Variants in SLC8A1 observed in about 807,000 individuals in gnomAD.
SLC8A1 encodes the protein sodium/calcium exchanger 1.
In SLC8A1, 18 loss-of-function variants were observed where a neutral mutation model predicts 68.3. The observed-to-expected ratio is 0.26, with a 90% CI of 0.18 to 0.39. The LOEUF (loss-of-function observed/expected upper bound fraction) is 0.39. Ranked by LOEUF, SLC8A1 falls within the 10% of genes least tolerant of loss-of-function variation. The probability of loss-of-function intolerance (pLI) is 1.00; values close to 1 mark genes in which losing one functional copy is unlikely to be tolerated. For missense variants in SLC8A1, 985 were observed against 1,156.7 expected, an observed-to-expected ratio of 0.85 and a Z score of 2.15; for synonymous variants, 475 against 415.5, an observed-to-expected ratio of 1.14 and a Z score of -1.74.
At chr2:40,115,236 T>C in exon 8 of SLC8A1, 2 of 1,544,756 alleles carry the variant, frequency 1.3e-6, no homozygotes, top group Non-Finnish European at 1.7e-6. Flanking sequence ...ATAAATTTAC[T>C]ATATCTGATA....
chr2:40,477,290 G>A (rs949864445), intron 1 of SLC8A1, among the ~76,000 whole-genome samples: 14 of 152,120 alleles, frequency 9.2e-5, no homozygotes, highest in African/African-American at 3.1e-4. Flanking sequence ...TTGTGTTGTA[G>A]TCATGGATTG....
intron 2 of SLC8A1, among the ~76,000 whole-genome samples, chr2:40,346,047 T>TAAAAAAAAAAAA (rs774555210): frequency 3.8e-3 from 160 of 41,720 alleles, no homozygotes; most frequent in Non-Finnish European, 4.7e-3. Context: ...ACATTAACAG[T>TAAAAAAAAAAAA]AAAAAAAAAA....
intron 1 of SLC8A1, among the ~76,000 whole-genome samples, chr2:40,472,311 T>C (rs1704033601): frequency 2.6e-5 from 4 of 152,170 alleles, no homozygotes; most frequent in Admixed American, 2.6e-4. Flanking sequence ...TTTTATAAGA[T>C]GGAAATGAAA....
intron 6 of SLC8A1, among the ~76,000 whole-genome samples, chr2:40,150,112 G>C (rs2043152165): frequency 6.6e-6 from 1 of 151,386 alleles, no homozygotes; most frequent in African/African-American, 2.4e-5. Context: ...TCCAGCTCGG[G>C]GCCAGGATTC....
upstream of SLC8A1, among the ~76,000 whole-genome samples, chr2:40,452,687 C>T (rs1702703688): frequency 6.6e-6 from 1 of 151,242 alleles, no homozygotes; most frequent in East Asian, 1.9e-4. Context: ...AATCCTCACC[C>T]TGTGTTTTTC....
chr2:40,289,879 A>T (rs1204029092), intron 2 of SLC8A1, among the ~76,000 whole-genome samples: 2 of 152,050 alleles, frequency 1.3e-5, no homozygotes, highest in African/African-American at 4.8e-5. Context: ...AATTAAATTA[A>T]ATTAAATTAA....
Position 40,297,620 on chromosome 2 carries a change from C to G in SLC8A1, c.1809-119765G>C, listed in dbSNP as rs985256248. Among the ~76,000 whole-genome samples the G allele has an allele frequency of 6.6e-5, 10 of 152,148 alleles. No individual in the cohort carries two copies. The South Asian group carries it at 8.3e-4, about 13-fold the overall frequency. On this transcript the variant is annotated intron_variant, in intron 2 of 7. Coordinates refer to ENST00000406785, the Ensembl canonical transcript of SLC8A1. ...TTTCATTACTTATCTAAAGACTTAA[C>G]CTTCTTTATACCAATCATCTGTAAG...
chr2:40,343,735 T>A (rs1191797946), intron 2 of SLC8A1, among the ~76,000 whole-genome samples: 3 of 152,162 alleles, frequency 2.0e-5, no homozygotes, highest in Non-Finnish European at 4.4e-5. Flanking sequence ...CATGACAGAC[T>A]GAGAAAAATA....
intron 6 of SLC8A1, among the ~76,000 whole-genome samples, chr2:40,144,264 G>A (rs1440750288): frequency 6.6e-6 from 1 of 152,128 alleles, no homozygotes; most frequent in East Asian, 1.9e-4. Flanking sequence ...TAAATGACAG[G>A]CACTAAGCTA....
At chr2:40,253,015 G>C (rs2063128257) in intron 2 of SLC8A1, among the ~76,000 whole-genome samples, 1 of 105,504 alleles carries the variant, frequency 9.5e-6, no homozygotes, top group Non-Finnish European at 2.2e-5. Flanking sequence ...ATATGTATCT[G>C]TATATATGTA....
chr2:40,122,225 C>T (rs867394610), intron 7 of SLC8A1, among the ~76,000 whole-genome samples: 9 of 139,320 alleles, frequency 6.5e-5, no homozygotes, highest in African/African-American at 2.4e-4. Flanking sequence ...CACACACACA[C>T]GTGTGCGCGC....
intron 2 of SLC8A1, among the ~76,000 whole-genome samples, chr2:40,269,971 A>C (rs2149130799): frequency 6.6e-6 from 1 of 152,230 alleles, no homozygotes; most frequent in Non-Finnish European, 1.5e-5. Flanking sequence ...GCTTTTTGGT[A>C]TGTCTGAGAT....
intron 2 of SLC8A1, among the ~76,000 whole-genome samples, chr2:40,331,464 G>A (rs539697593): frequency 1.5e-4 from 23 of 152,158 alleles, no homozygotes; most frequent in African/African-American, 5.3e-4. Context: ...ACACTCCCGG[G>A]AGAATAAAAA....
chr2:40,329,069 C>T (rs1044888554), intron 2 of SLC8A1, among the ~76,000 whole-genome samples: 1 of 130,454 alleles, frequency 7.7e-6, no homozygotes, highest in African/African-American at 3.3e-5. Context: ...CTCACACACA[C>T]ACACACACAC....
intron 1 of SLC8A1, among the ~76,000 whole-genome samples, chr2:40,436,535 C>T (rs1699455056): frequency 1.3e-5 from 2 of 152,214 alleles, no homozygotes; most frequent in Admixed American, 6.5e-5. Flanking sequence ...TCCCCACAAC[C>T]TGGGTGTGTG....
At chr2:40,231,191 G>A (rs1056932784) in intron 2 of SLC8A1, among the ~76,000 whole-genome samples, 1 of 152,148 alleles carries the variant, frequency 6.6e-6, no homozygotes, top group South Asian at 2.1e-4. Context: ...TGGCACAGTT[G>A]CTTTCTGAGC....
At chr2:40,143,641 A>C (rs953038313) in intron 6 of SLC8A1, among the ~76,000 whole-genome samples, 1 of 152,198 alleles carries the variant, frequency 6.6e-6, no homozygotes, top group African/African-American at 2.4e-5. Context: ...AAAAATGCAG[A>C]TAGTGCACAG....
intron 2 of SLC8A1, among the ~76,000 whole-genome samples, chr2:40,312,607 T>C (rs1559196900): frequency 6.6e-6 from 1 of 152,134 alleles, no homozygotes; most frequent in Non-Finnish European, 1.5e-5. Context: ...ATATCCTGTA[T>C]ATTTCATAAG....
chr2:40,417,837 G>T (rs898960138), intron 2 of SLC8A1, among the ~76,000 whole-genome samples: 3 of 149,650 alleles, frequency 2.0e-5, no homozygotes, highest in Non-Finnish European at 4.4e-5. Flanking sequence ...AATGAAGATA[G>T]CTGGAGTCAG....
Sources: allele counts gnomAD v4.1 joint callset (sites outside exome capture counted in the v4.1 genomes callset), GRCh38; gene constraint gnomAD v4.1.1; transcripts MANE v1.5; gene names NCBI Gene and HGNC (gene_info 2026-07-23, HGNC 2026-07-21).